The following SCARB1 variants were observed in gnomAD, a reference collection of about 807,000 sequenced individuals.
SCARB1 encodes the protein CD36 and LIMPII analogous 1.
A neutral mutation model predicts 57.2 loss-of-function variants in SCARB1; 30 were observed. The ratio of observed to expected loss-of-function variants is 0.52; its 90% CI spans 0.39 to 0.71. The LOEUF (loss-of-function observed/expected upper bound fraction) is 0.71, where lower values mean the gene tolerates loss of function less well. Among genes scored for constraint, SCARB1 ranks in the 30% least tolerant of loss-of-function variants. SCARB1 has a pLI of 0.00. For synonymous variants in SCARB1, 249 were observed against 268.3 expected, an observed-to-expected ratio of 0.93 and a Z score of 0.70; for missense variants, 543 against 671.2, an observed-to-expected ratio of 0.81 and a Z score of 2.11.
Position 124,796,112 on chromosome 12 carries a change from C to G in SCARB1, c.1129-844G>C, listed in dbSNP as rs1244555650. On this transcript the variant is annotated intron_variant, in intron 8 of 12. Coordinates refer to ENST00000261693, the MANE Select transcript of SCARB1 (RefSeq NM_005505.5). This position sits in a 1 kb window ranked among gnomAD's most constrained non-coding sequence, Gnocchi z 4.0. ...GGGACTACAGGTGTGCGCCAGCACA[C>G]TCGGCTAATTTTTGTATTTTTAGTA... 1.3e-5 allele frequency among the ~76,000 whole-genome samples: 2 copies of G among 152,230 alleles called. No homozygotes were observed. The highest frequency in any genetic ancestry group is 2.9e-5 in the Non-Finnish European group (2 of 68,038).
At chr12:124,795,119 A>T (rs1949897855) in intron 9 of SCARB1, 76 bp downstream of exon 9, 1 of 1,224,464 alleles carries the variant, frequency 8.2e-7, no homozygotes, top group Non-Finnish European at 1.2e-6. Context: ...ATGTCACTGG[A>T]GTCTGGGACC....
intron 1 of SCARB1, among the ~76,000 whole-genome samples, chr12:124,844,889 C>G (rs1952078578): frequency 6.6e-6 from 1 of 150,740 alleles, no homozygotes; most frequent in Admixed American, 6.6e-5. Flanking sequence ...GATCTCGGCT[C>G]ACTGCAACCT....
intron 7 of SCARB1, among the ~76,000 whole-genome samples, chr12:124,801,912 A>T (rs1224637532): frequency 1.1e-4 from 16 of 152,032 alleles, no homozygotes; most frequent in Non-Finnish European, 2.1e-4. Flanking sequence ...GCACTTTAGG[A>T]GGCCGAGGCG....
chr12:124,783,038 T>C, intron 11 of SCARB1: 1 of 526,612 alleles, frequency 1.9e-6, no homozygotes, highest in Non-Finnish European at 3.4e-6. Context: ...CAAGCCAAGC[T>C]GAAAAGGGCT....
chr12:124,779,010 G>T (rs1483297111), intron 12 of SCARB1, among the ~76,000 whole-genome samples: 1 of 152,126 alleles, frequency 6.6e-6, no homozygotes, highest in East Asian at 1.9e-4. Flanking sequence ...GAGTACGGTG[G>T]TGCCATCATG....
At chr12:124,781,957 G>A (rs1184551902) in intron 12 of SCARB1, among the ~76,000 whole-genome samples, 1 of 152,110 alleles carries the variant, frequency 6.6e-6, no homozygotes, top group East Asian at 1.9e-4. Context: ...CCAGGCTGGA[G>A]TGCAGTGGCA....
At chr12:124,860,376 T>C (rs1952842716) in intron 1 of SCARB1, among the ~76,000 whole-genome samples, 1 of 152,372 alleles carries the variant, frequency 6.6e-6, no homozygotes, top group African/African-American at 2.4e-5. Flanking sequence ...CAGCTCATCA[T>C]TGAAGACAGC....
Position 124,810,514 on chromosome 12 carries a change from C to T in SCARB1, c.727-225G>A, listed in dbSNP as rs551167821. On this transcript the variant is annotated intron_variant, in intron 5 of 12. Transcript: ENST00000261693. The surrounding 1 kb of genome is among the most constrained non-coding windows in gnomAD (Gnocchi z 4.0). ...GTGTAACTTCGCTAGGGACTCAGTTCTTTCATCTGCAAAATAGGCCTATCA... is the reference window on the plus strand; with the variant it reads ...GTGTAACTTCGCTAGGGACTCAGTTTTTTCATCTGCAAAATAGGCCTATCA... Among the ~76,000 whole-genome samples, 1 of 152,302 alleles carries T rather than the reference C, an allele frequency of 6.6e-6. No individual in the cohort carries two copies. Among genetic ancestry groups the T allele is most frequent in the East Asian group, 1.9e-4 (1 of 5,186 alleles).
At chr12:124,781,223 C>G (rs1873412229) in intron 12 of SCARB1, among the ~76,000 whole-genome samples, 1 of 152,242 alleles carries the variant, frequency 6.6e-6, no homozygotes, top group Admixed American at 6.5e-5. Context: ...TTGGCATTTT[C>G]TTTTTCATCT....
intron 1 of SCARB1, among the ~76,000 whole-genome samples, chr12:124,843,289 A>AT (rs200587414): frequency 0.01 from 351 of 33,564 alleles, 1 homozygote; most frequent in African/African-American, 0.016. Flanking sequence ...TTCTGTGGAG[A>AT]TGGGGGGGGG....
chr12:124,840,110 T>C, intron 1 of SCARB1: 1 of 1,229,998 alleles, frequency 8.1e-7, no homozygotes, highest in Non-Finnish European at 1.1e-6. Flanking sequence ...TATGAGTGTG[T>C]CTCACTGATT....
chr12:124,836,265 A>G (rs375207362), intron 1 of SCARB1, among the ~76,000 whole-genome samples: 61 of 152,326 alleles, frequency 4.0e-4, no homozygotes, highest in Middle Eastern at 3.4e-3. Flanking sequence ...GGTCTCGCGC[A>G]TGTGTCACTG....
At chr12:124,860,511 G>A (rs955095154) in intron 1 of SCARB1, among the ~76,000 whole-genome samples, 6 of 152,312 alleles carry the variant, frequency 3.9e-5, no homozygotes, top group African/African-American at 1.4e-4. Context: ...ACCAAAAAAT[G>A]GTAATGATAA....
Position 124,778,626 on chromosome 12 carries a change from G to A in SCARB1, c.*1-40C>T. 4 of 1,406,736 alleles carry A rather than the reference G, an allele frequency of 2.8e-6. No individual in the cohort carries two copies. In the Admixed American group the frequency reaches 1.2e-4, roughly 41 times the overall value. The allele number at this position is 1,406,736 out of a possible 1,614,324, so 87.1% of individuals were successfully genotyped here. A position where few individuals can be genotyped will look rare whatever the true frequency, so the allele number is the denominator to read the frequency against. ...AAAGCTGGGTGACCACCCACGCCCT[G>A]TCACCAAACCCCACCCTCATCCCCG... On this transcript the variant is annotated intron_variant, in intron 12 of 12. Transcript: ENST00000261693.
At chr12:124,840,429 G>A (rs1386456693) in intron 1 of SCARB1, among the ~76,000 whole-genome samples, 7 of 152,136 alleles carry the variant, frequency 4.6e-5, no homozygotes, top group Admixed American at 4.6e-4. Flanking sequence ...GCCCACCTTG[G>A]CCTCCCAAAG....
intron 7 of SCARB1, among the ~76,000 whole-genome samples, chr12:124,802,379 C>A (rs1950165790): frequency 6.6e-6 from 1 of 152,120 alleles, no homozygotes; most frequent in African/African-American, 2.4e-5. Context: ...AGAGCATGGA[C>A]CCAGAAGCTC....
At chr12:124,861,867 A>C (rs1385883701) in intron 1 of SCARB1, among the ~76,000 whole-genome samples, 1 of 126,082 alleles carries the variant, frequency 7.9e-6, no homozygotes, top group African/African-American at 3.0e-5. Context: ...TGGTGCATGC[A>C]TGTGTGGTGC....
In SCARB1 at chr12:124,829,488, A is replaced by C. The variant is rs559238704; in HGVS notation, c.127-11781T>G. ...TCTAAATTCCTGACAGTGACCTATG[A>C]GGTCTTGCACAACCCAGCTCCCTAT... On this transcript the variant is annotated intron_variant, in intron 1 of 12. Coordinates refer to ENST00000261693, the MANE Select transcript of SCARB1 (RefSeq NM_005505.5). Among the ~76,000 whole-genome samples the C allele has an allele frequency of 2.0e-5, 3 of 152,306 alleles. No individual in the cohort carries two copies. In the East Asian group the frequency reaches 5.8e-4, roughly 29 times the overall value.
rs781430765 is a variant in SCARB1 at position 124,789,297 on chromosome 12, C to T, written c.1203-1840G>A. ...ATCATGAGAAAAGCACCAGACCAAT[C>T]CCAGTAGAGGGTCATCCTACAAAAT... is the stretch of plus-strand genomic sequence containing the variant. On this transcript the variant is annotated intron_variant, in intron 9 of 12. Transcript: ENST00000261693. This position sits in a 1 kb window ranked among gnomAD's most constrained non-coding sequence, Gnocchi z 4.4. 6.6e-6 allele frequency among the ~76,000 whole-genome samples: 1 copy of T among 152,160 alleles called. No homozygotes were observed. The highest frequency in any genetic ancestry group is 2.1e-4 in the South Asian group (1 of 4,828).
Sources: allele counts gnomAD v4.1 joint callset (sites outside exome capture counted in the v4.1 genomes callset), GRCh38; gene constraint gnomAD v4.1.1; non-coding constraint Gnocchi (gnomAD v3.1); transcripts MANE v1.5; gene names NCBI Gene and HGNC (gene_info 2026-07-23, HGNC 2026-07-21).